KMT2C: variants seen among roughly 807,000 people sequenced by gnomAD.
KMT2C encodes the protein histone-lysine N-methyltransferase 2C.
KMT2C carries 88 observed loss-of-function variants against 507.9 expected under a neutral mutation model. The observed-to-expected ratio is 0.17, with a 90% confidence interval of 0.15 to 0.21. The LOEUF (loss-of-function observed/expected upper bound fraction) is 0.21. Among genes scored for constraint, KMT2C ranks in the 10% least tolerant of loss-of-function variants. The probability of loss-of-function intolerance (pLI) is 1.00; values close to 1 mark genes in which losing one functional copy is unlikely to be tolerated. For missense variants in KMT2C, 4,954 were observed against 5,957.8 expected (o/e 0.83, Z 5.55); for synonymous variants, 2,049 against 2,080.8 (o/e 0.98, Z 0.42).
Position 152,159,026 on chromosome 7 carries a change from T to G in KMT2C, c.11507A>C (p.Gln3836Pro), listed in dbSNP as rs776637057. 6.2e-7 allele frequency: 1 copy of G among 1,614,230 alleles called. No individual in the cohort carries two copies. The highest frequency in any genetic ancestry group is 1.1e-5 in the South Asian group (1 of 91,084). The change falls in exon 44 of 59, where the codon CAG becomes CCG. Residue 3836 changes from glutamine (Q) to proline (P), a missense_variant. Transcript: ENST00000262189. ...ACTTCCTCCATCTGTTTTTGGCAACTGGTTGCCACATCCAAAACCACCTTG... is the reference window on the plus strand; with the variant it reads ...ACTTCCTCCATCTGTTTTTGGCAACGGGTTGCCACATCCAAAACCACCTTG... Reference protein sequence around the residue: ...QMQGGFGCGNQLPKTDGGSET... With the variant: ...QMQGGFGCGNPLPKTDGGSET...
chr7:152,390,817 C>T (rs1392496554), intron 1 of KMT2C, among the ~76,000 whole-genome samples: 2 of 152,106 alleles, frequency 1.3e-5, no homozygotes, highest in East Asian at 3.8e-4. Flanking sequence ...TAAGATAGAG[C>T]CATGACCCAA....
rs1053548446 is a variant in KMT2C, at chr7:152,135,722, C to CA, written c.*1109dup. On this transcript the variant is annotated 3_prime_UTR_variant, in exon 59 of 59. Transcript: ENST00000262189. ...TCACAGTTATCACAAATTGTAAGCA[C>CA]AAAAAAACCTGACTGAAGAAGTAGG... 1.3e-5 allele frequency: 3 copies of CA among 226,698 alleles called. No individual in the cohort carries two copies. The highest frequency in any genetic ancestry group is 2.6e-5 in the Non-Finnish European group (3 of 113,996). 14.0% of individuals were successfully genotyped at this position (226,698 alleles called of 1,614,324 possible). A position where few individuals can be genotyped will look rare whatever the true frequency, so the allele number is the denominator to read the frequency against.
chr7:152,367,940 C>CA (rs774414594), intron 1 of KMT2C: 135 of 957,330 alleles, frequency 1.4e-4, no homozygotes, highest in Non-Finnish European at 2.1e-4. Context: ...CCAAAGCAGA[C>CA]ACACTTATAC....
intron 1 of KMT2C, among the ~76,000 whole-genome samples, chr7:152,408,567 G>A (rs890124514): frequency 4.6e-5 from 7 of 152,170 alleles, no homozygotes; most frequent in Non-Finnish European, 8.8e-5. Context: ...GATCAGCAGC[G>A]GCATTAGATT....
chr7:152,210,053 T>C (rs2094417779), intron 23 of KMT2C, among the ~76,000 whole-genome samples: 1 of 152,086 alleles, frequency 6.6e-6, no homozygotes, highest in Non-Finnish European at 1.5e-5. Context: ...GGATGAAGAC[T>C]GAAAATAGGA....
intron 2 of KMT2C, among the ~76,000 whole-genome samples, chr7:152,352,539 T>C (rs1589383726): frequency 6.6e-6 from 1 of 152,224 alleles, no homozygotes; most frequent in South Asian, 2.1e-4. Flanking sequence ...CAACATGTGA[T>C]GTCTCCCCCG....
At chr7:152,151,407 T>A (rs374688546) in intron 50 of KMT2C, 35 bp downstream of exon 50, 11 of 1,609,320 alleles carry the variant, frequency 6.8e-6, no homozygotes, top group Middle Eastern at 1.6e-4. Flanking sequence ...TCGCTGGAGG[T>A]AGGAGGTGGG....
In KMT2C at chr7:152,218,764, T is replaced by A. The variant is rs553715912; in HGVS notation, c.3712+1759A>T. Among the ~76,000 whole-genome samples, 4 of 152,164 alleles carry A rather than the reference T, an allele frequency of 2.6e-5. No homozygotes were observed. The East Asian group carries it at 7.7e-4, about 29-fold the overall frequency. ...ATCTTCTCACCTTCTGACTGTCCCC[T>A]CTGCTCACTCTGTTGGTCTCCACAA... On this transcript the variant is annotated intron_variant, in intron 23 of 58. Coordinates refer to ENST00000262189, the MANE Select transcript of KMT2C (RefSeq NM_170606.3).
At chr7:152,197,749 G>A (rs1331948897) in intron 27 of KMT2C, among the ~76,000 whole-genome samples, 2 of 151,830 alleles carry the variant, frequency 1.3e-5, no homozygotes, top group Non-Finnish European at 2.9e-5. Flanking sequence ...AGGCTACAAT[G>A]AATGACATGT....
At chr7:152,290,427 G>A (rs192553195) in intron 6 of KMT2C, among the ~76,000 whole-genome samples, 3 of 144,346 alleles carry the variant, frequency 2.1e-5, no homozygotes, top group South Asian at 2.3e-4. Flanking sequence ...TCTCTGTCTC[G>A]GCCTCCCCCG....
At chr7:152,255,467 C>G (rs972380850) in intron 9 of KMT2C, among the ~76,000 whole-genome samples, 3 of 151,854 alleles carry the variant, frequency 2.0e-5, no homozygotes, top group African/African-American at 4.8e-5. Context: ...CACCCAGACA[C>G]TCAATAAATT....
intron 1 of KMT2C, among the ~76,000 whole-genome samples, chr7:152,360,233 T>A (rs2097185364): frequency 1.3e-5 from 2 of 151,976 alleles, no homozygotes; most frequent in South Asian, 4.2e-4. Flanking sequence ...ATCCTAGTAC[T>A]TTGGGAGGCC....
rs1188273220 is a variant in KMT2C, at chr7:152,182,564, T to G, written c.5296A>C (p.Lys1766Gln). ...TCAAGTTTCTGTGTGGCTTCAATTTTAGCTTGCTGCTTACTTTTCTGACGC... is the reference window on the plus strand; with the variant it reads ...TCAAGTTTCTGTGTGGCTTCAATTTGAGCTTGCTGCTTACTTTTCTGACGC... ...QMRQKSKQQA[K>Q]IEATQKLEQV... Residue 1766 changes from lysine to glutamine, a missense_variant, in exon 36 of 59, where the codon AAA (lysine) becomes CAA (glutamine). Lys to Gln is a moderately conservative substitution (Grantham distance 53). Coordinates refer to ENST00000262189, the MANE Select transcript of KMT2C (RefSeq NM_170606.3). 1.3e-6 allele frequency: 2 copies of G among 1,591,114 alleles called. No homozygotes were observed. Among genetic ancestry groups the G allele is most frequent in the Non-Finnish European group, 1.7e-6 (2 of 1,168,078 alleles).
intron 3 of KMT2C, among the ~76,000 whole-genome samples, chr7:152,323,305 A>C (rs557487446): frequency 1.3e-5 from 2 of 152,154 alleles, no homozygotes; most frequent in East Asian, 3.9e-4. Flanking sequence ...GGATAAAGAA[A>C]ACATGGTATA....
chr7:152,198,920 G>GGTTTCTCA (rs2094046602), intron 27 of KMT2C, among the ~76,000 whole-genome samples: 2 of 151,914 alleles, frequency 1.3e-5, no homozygotes. Context: ...CATCCATTTC[G>GGTTTCTCA]GTTTCTCTGT....
chr7:152,343,562 C>T (rs1360416703), intron 2 of KMT2C, among the ~76,000 whole-genome samples: 1 of 151,348 alleles, frequency 6.6e-6, no homozygotes, highest in Admixed American at 6.6e-5. Flanking sequence ...AAATATTCCT[C>T]AAATTAATCT....
chr7:152,299,918 G>T (rs140023573), intron 6 of KMT2C, among the ~76,000 whole-genome samples: 2,837 of 152,204 alleles, frequency 0.019, 44 homozygotes, highest in Non-Finnish European at 0.03. Context: ...GCTTACGCTA[G>T]TCAAGAGAAA....
chr7:152,222,724 T>C, intron 20 of KMT2C, 42 bp from the exon 21 acceptor site: 1 of 1,132,120 alleles, frequency 8.8e-7, no homozygotes, highest in Non-Finnish European at 1.3e-6. Context: ...AAAAATGGAA[T>C]ATACTGAGAA....
rs1237084951 is a variant in KMT2C at position 152,176,216 on chromosome 7, T to G, written c.9237A>C (p.Arg3079=). ...CAATATTAGGGAAGAACGGTTCTGA[T>G]CGCTGACGAATCATGGCTTGCATCT... is the stretch of plus-strand genomic sequence containing the variant. The part of the protein sequence containing the change: ...QRQMQAMIRQ[R]SEPFFPNIDF... The change falls in exon 38 of 59, where the codon CGA becomes CGC. Residue 3079 remains arginine (R), a synonymous_variant. Transcript: ENST00000262189. 1 of 1,610,654 alleles carries G rather than the reference T, an allele frequency of 6.2e-7. No homozygotes were observed. The highest frequency in any genetic ancestry group is 1.3e-5 in the African/African-American group (1 of 74,896).
Sources: allele counts gnomAD v4.1 joint callset (sites outside exome capture counted in the v4.1 genomes callset), GRCh38; gene constraint gnomAD v4.1.1; transcripts MANE v1.5; gene names NCBI Gene and HGNC (gene_info 2026-07-23, HGNC 2026-07-21).